Variants in KCNT1 observed in about 807,000 individuals in gnomAD.
The protein encoded by KCNT1 is potassium sodium-activated channel subfamily T member 1.
Under a neutral mutation model 147.8 loss-of-function variants are expected in KCNT1, and 78 were observed. That is an observed-to-expected ratio of 0.53 (90% confidence interval 0.44 to 0.64). KCNT1 has a LOEUF of 0.64. Ranked by LOEUF, KCNT1 falls within the 30% of genes least tolerant of loss-of-function variation. The probability of loss-of-function intolerance (pLI) is 0.00; values close to 1 mark genes in which losing one functional copy is unlikely to be tolerated. For synonymous variants in KCNT1, 867 were observed against 748.8 expected (o/e 1.16, Z -2.58); for missense variants, 1,419 against 1,750.3 (o/e 0.81, Z 3.38).
rs1181887876 is a variant in KCNT1 at position 135,758,504 on chromosome 9, A to G, written c.850A>G (p.Thr284Ala). 1 of 1,613,092 alleles carries G rather than the reference A, an allele frequency of 6.2e-7. No homozygotes were observed. The change falls in exon 10 of 31, where the codon ACG (threonine) becomes GCG (alanine). Residue 284 changes from threonine (T) to alanine (A), a missense_variant. Transcript: ENST00000371757. ...CTGCACCCTGCTGTGCCTCGTTTTC[A>G]CGGGGTGAGTGCCGGCCGTCAGTGT... ...LFCTLLCLVF[T>A]GTCGIQHLER...
chr9:135,740,740 G>T (rs1419644829), intron 2 of KCNT1, among the ~76,000 whole-genome samples: 4 of 152,244 alleles, frequency 2.6e-5, no homozygotes, highest in Non-Finnish European at 5.9e-5. Context: ...TGGGCCCAGG[G>T]ATGAGGCCCT....
In KCNT1 at chr9:135,768,622, G is replaced by C. The variant is rs1376080960; in HGVS notation, c.1350G>C (p.Gly450=). 6.5e-7 allele frequency: 1 copy of C among 1,550,360 alleles called. No homozygotes were observed. The highest frequency in any genetic ancestry group is 8.7e-7 in the Non-Finnish European group (1 of 1,146,826). The change falls in exon 14 of 31, where the codon GGG becomes GGC. Residue 450 remains glycine (G), a synonymous_variant. Coordinates refer to ENST00000371757, the MANE Select transcript of KCNT1 (RefSeq NM_020822.3). The part of the protein sequence containing the change: ...QDLMRAKMDN[G]EACFILSSRN... Reference sequence around the variant, plus strand: ...TGGTGCATTGCAGGATGGACAATGGGGAGGCCTGCTTCATCCTCAGCAGCA... The same window carrying C: ...TGGTGCATTGCAGGATGGACAATGGCGAGGCCTGCTTCATCCTCAGCAGCA...
At chr9:135,728,923 T>C (rs1370502171) in intron 2 of KCNT1, among the ~76,000 whole-genome samples, 1 of 152,126 alleles carries the variant, frequency 6.6e-6, no homozygotes, top group Non-Finnish European at 1.5e-5. Flanking sequence ...TGACATGGTG[T>C]TCGGGATTGA....
intron 1 of KCNT1, among the ~76,000 whole-genome samples, chr9:135,711,906 A>G (rs1300892763): frequency 6.6e-6 from 1 of 152,232 alleles, no homozygotes; most frequent in Non-Finnish European, 1.5e-5. Flanking sequence ...TGCCTCAGGC[A>G]TGCTGTCTGG....
chr9:135,744,882 C>T (rs1830740736), intron 2 of KCNT1, among the ~76,000 whole-genome samples: 1 of 152,248 alleles, frequency 6.6e-6, no homozygotes, highest in African/African-American at 2.4e-5. Flanking sequence ...CGTCTTGCTC[C>T]TGGGCTGTAG....
intron 2 of KCNT1, among the ~76,000 whole-genome samples, chr9:135,745,396 A>G (rs970289465): frequency 1.3e-5 from 2 of 152,076 alleles, no homozygotes; most frequent in African/African-American, 2.4e-5. Context: ...CCTGACAGGA[A>G]GCGGAGAGTG....
In KCNT1 at chr9:135,743,208, C is replaced by G. The variant is rs181172452; in HGVS notation, c.255-6890C>G. Among the ~76,000 whole-genome samples the G allele has an allele frequency of 9.9e-5, 15 of 152,208 alleles. No individual in the cohort carries two copies. In the East Asian group the frequency reaches 2.9e-3, roughly 29 times the overall value. On this transcript the variant is annotated intron_variant, in intron 2 of 30. Transcript: ENST00000371757. ...GGTCGAGCTCCCAGGAGCTGGGATG[C>G]GCTCTCGGAGGCTGTGCCACTCCCC...
At chr9:135,782,306 C>T (rs947157037) in intron 24 of KCNT1, among the ~76,000 whole-genome samples, 1 of 152,210 alleles carries the variant, frequency 6.6e-6, no homozygotes, top group Non-Finnish European at 1.5e-5. Flanking sequence ...CTCAGAGCCC[C>T]GGTGTGTGAG....
At position 135,763,085 on chromosome 9, in the gene KCNT1, G is replaced by A. The variant is rs372489777; in HGVS notation, c.1036-1946G>A. Among the ~76,000 whole-genome samples the A allele has an allele frequency of 1.6e-3, 243 of 152,386 alleles. 2 individuals are homozygous for A. Among genetic ancestry groups the A allele is most frequent in the South Asian group, 0.011 (53 of 4,832 alleles). On this transcript the variant is annotated intron_variant, in intron 11 of 30. Coordinates refer to ENST00000371757, the MANE Select transcript of KCNT1 (RefSeq NM_020822.3). Reference sequence around the variant, plus strand: ...CGAGGCAGGGAGGAAGGCGGGGGCAGGGCCTGGGGGCTGGCGCACCCTCCC... The same window carrying A: ...CGAGGCAGGGAGGAAGGCGGGGGCAAGGCCTGGGGGCTGGCGCACCCTCCC...
At chr9:135,776,351 A>G (rs1833170157) in intron 20 of KCNT1, among the ~76,000 whole-genome samples, 1 of 151,924 alleles carries the variant, frequency 6.6e-6, no homozygotes, top group African/African-American at 2.4e-5. Flanking sequence ...TCCACCTCCC[A>G]GGCTCAAGGG....
chr9:135,781,179 C>T (rs564705804), intron 24 of KCNT1, among the ~76,000 whole-genome samples: 4 of 152,230 alleles, frequency 2.6e-5, no homozygotes, highest in Non-Finnish European at 5.9e-5. Flanking sequence ...TCCAGTCATG[C>T]GATTCCGTGG....
intron 2 of KCNT1, among the ~76,000 whole-genome samples, chr9:135,743,609 G>A (rs900529451): frequency 2.0e-5 from 3 of 152,208 alleles, no homozygotes; most frequent in Non-Finnish European, 2.9e-5. Context: ...GATAGAAGCC[G>A]TGCCCACCAC....
rs1197473627 is a variant in KCNT1, at chr9:135,752,632, T to G, written c.435-1305T>G. Among the ~76,000 whole-genome samples, 2 of 149,940 alleles carry G rather than the reference T, an allele frequency of 1.3e-5. No individual in the cohort carries two copies. Among genetic ancestry groups the G allele is most frequent in the Admixed American group, 6.6e-5 (1 of 15,144 alleles). On this transcript the variant is annotated intron_variant, in intron 4 of 30. Coordinates refer to ENST00000371757, the MANE Select transcript of KCNT1 (RefSeq NM_020822.3). This position sits in a 1 kb window ranked among gnomAD's most constrained non-coding sequence, Gnocchi z 5.1. ...GGTTGGATGGATGGTGGATGATGGA[T>G]GGATGGACGGACGGACGGATGGACG...
rs1193873177 is a variant in KCNT1 at position 135,752,893 on chromosome 9, A to G, written c.435-1044A>G. 2.1e-5 allele frequency among the ~76,000 whole-genome samples: 3 copies of G among 143,686 alleles called. No individual in the cohort carries two copies. Among genetic ancestry groups the G allele is most frequent in the African/African-American group, 7.9e-5 (3 of 38,088 alleles). The allele number at this position is 143,686 out of a possible 152,430, so 94.3% of individuals were successfully genotyped here. On this transcript the variant is annotated intron_variant, in intron 4 of 30. Transcript: ENST00000371757. This position sits in a 1 kb window ranked among gnomAD's most constrained non-coding sequence, Gnocchi z 5.1. ...GTGGATGGATGGAGAGATGAGCAGA[A>G]GGATGGAGGGATGAGTGGATGGATG...
intron 2 of KCNT1, among the ~76,000 whole-genome samples, chr9:135,716,554 T>C (rs997205069): frequency 6.6e-6 from 1 of 152,150 alleles, no homozygotes; most frequent in African/African-American, 2.4e-5. Flanking sequence ...AACATTTGTA[T>C]ACCCTAGAAG....
At chr9:135,703,818 C>T (rs958906850) in intron 1 of KCNT1, among the ~76,000 whole-genome samples, 2 of 152,356 alleles carry the variant, frequency 1.3e-5, no homozygotes, top group South Asian at 2.1e-4. Flanking sequence ...AGCTCCAGGC[C>T]TCATCCTCCG....
chr9:135,748,922 C>A (rs1242109760), intron 2 of KCNT1, among the ~76,000 whole-genome samples: 1 of 150,484 alleles, frequency 6.6e-6, no homozygotes, highest in African/African-American at 2.5e-5. Flanking sequence ...CTGATAGGAG[C>A]AGACGTCATG....
intron 1 of KCNT1, among the ~76,000 whole-genome samples, chr9:135,708,324 C>T (rs1264958242): frequency 6.6e-6 from 1 of 152,252 alleles, no homozygotes; most frequent in East Asian, 1.9e-4. Context: ...TCCACACATG[C>T]ATGCACATAT....
In KCNT1 at chr9:135,768,949, G is replaced by A; in HGVS notation, c.1510+12G>A. ...CGTCAAGTTTGCTGGTGCGTCTGGG[G>A]CACACGTGGGTGATGGTGTATCTGG... On this transcript the variant is annotated intron_variant, in intron 15 of 30. Transcript: ENST00000371757. The A allele has an allele frequency of 6.3e-7, 1 of 1,597,704 alleles. No homozygotes were observed. Among genetic ancestry groups the A allele is most frequent in the Non-Finnish European group, 8.6e-7 (1 of 1,168,998 alleles).
Sources: gnomAD v4.1 joint callset for allele counts (sites outside exome capture counted in the v4.1 genomes callset) on GRCh38, gnomAD v4.1.1 for gene constraint, Gnocchi (gnomAD v3.1) non-coding constraint, MANE v1.5 for transcripts, NCBI Gene and HGNC (gene_info 2026-07-23, HGNC 2026-07-21) for gene names.